Variants in TASP1 observed in about 807,000 individuals in gnomAD.
The protein encoded by TASP1 is taspase 1.
Under a neutral mutation model 56.6 loss-of-function variants are expected in TASP1, and 16 were observed. The ratio of observed to expected loss-of-function variants is 0.28; its 90% CI spans 0.19 to 0.43. The LOEUF is 0.43. Among genes scored for constraint, TASP1 ranks in the 20% least tolerant of loss-of-function variants. The pLI is 1.00. For synonymous variants in TASP1, 179 were observed against 184.2 expected (o/e 0.97, Z 0.23); for missense variants, 393 against 511.6 (o/e 0.77, Z 2.24).
At chr20:13,145,828 TAA>T in the TASP1 span, among the ~76,000 whole-genome samples, 1 of 152,100 alleles carries the variant, frequency 6.6e-6, no homozygotes, top group African/African-American at 2.4e-5. Context: ...TGCTCAGAAA[TAA>T]GACTGCATAT....
chr20:13,249,833 T>TTG, the TASP1 span, among the ~76,000 whole-genome samples: 1 of 147,528 alleles, frequency 6.8e-6, no homozygotes, highest in Non-Finnish European at 1.5e-5. Context: ...TTGTTTTGTT[T>TTG]TGTTTCCTGG....
At chr20:13,221,767 T>G in the TASP1 span, 4 of 1,434,794 alleles carry the variant, frequency 2.8e-6, no homozygotes, top group East Asian at 3.1e-5. Flanking sequence ...AAGCCGCGCG[T>G]CTCAAAAGGA....
At chr20:13,192,859 A>T in the TASP1 span, among the ~76,000 whole-genome samples, 1 of 152,056 alleles carries the variant, frequency 6.6e-6, no homozygotes, top group African/African-American at 2.4e-5. Context: ...GGGCCTAAAT[A>T]ATAACTTTTC....
chr20:13,546,135 T>A (rs2045801584), intron 8 of TASP1, among the ~76,000 whole-genome samples: 1 of 151,942 alleles, frequency 6.6e-6, no homozygotes, highest in African/African-American at 2.4e-5. Context: ...TAAAAGCCTG[T>A]ACATAAATAG....
intron 4 of TASP1, among the ~76,000 whole-genome samples, chr20:13,617,613 TA>T (rs2048567537): frequency 6.6e-6 from 1 of 152,170 alleles, no homozygotes; most frequent in Admixed American, 6.5e-5. Context: ...TATGAAAATA[TA>T]ATTTCTACAA....
At chr20:13,357,604 T>C in the TASP1 span, among the ~76,000 whole-genome samples, 1 of 152,198 alleles carries the variant, frequency 6.6e-6, no homozygotes, top group African/African-American at 2.4e-5. Flanking sequence ...TATAGTCTTA[T>C]ATACACGTAA....
At chr20:13,200,593 T>G in the TASP1 span, among the ~76,000 whole-genome samples, 3 of 152,200 alleles carry the variant, frequency 2.0e-5, no homozygotes, top group African/African-American at 7.2e-5. Context: ...TAAAATATGG[T>G]TTATTTTCTC....
chr20:13,207,455 C>T, the TASP1 span, among the ~76,000 whole-genome samples: 1 of 152,178 alleles, frequency 6.6e-6, no homozygotes, highest in African/African-American at 2.4e-5. Context: ...CAGACACAGA[C>T]ATAGATGTGA....
At chr20:13,288,456 G>C in the TASP1 span, 4 of 1,428,142 alleles carry the variant, frequency 2.8e-6, no homozygotes, top group South Asian at 5.0e-5. Context: ...AAGGATAGAA[G>C]TGAATAATTG....
chr20:13,271,731 C>T, the TASP1 span, among the ~76,000 whole-genome samples: 1 of 152,156 alleles, frequency 6.6e-6, no homozygotes, highest in Non-Finnish European at 1.5e-5. Context: ...AGAGGCTCAT[C>T]CCCCGGGCAA....
the TASP1 span, among the ~76,000 whole-genome samples, chr20:13,183,124 A>G: frequency 6.6e-6 from 1 of 152,256 alleles, no homozygotes; most frequent in Admixed American, 6.5e-5. Flanking sequence ...TGTTTATACA[A>G]TAGGGTTTGC....
At chr20:13,197,261 A>C in the TASP1 span, among the ~76,000 whole-genome samples, 1 of 152,192 alleles carries the variant, frequency 6.6e-6, no homozygotes, top group Non-Finnish European at 1.5e-5. Flanking sequence ...TGACCAACCC[A>C]CCTAACACAG....
intron 11 of TASP1, among the ~76,000 whole-genome samples, chr20:13,449,053 C>T (rs543902710): frequency 4.6e-5 from 7 of 151,868 alleles, no homozygotes; most frequent in African/African-American, 1.7e-4. Context: ...ACTTTTTTTT[C>T]TGGGTGAATA....
chr20:13,468,319 G>A (rs1176334543), intron 11 of TASP1, among the ~76,000 whole-genome samples: 1 of 152,092 alleles, frequency 6.6e-6, no homozygotes, highest in Non-Finnish European at 1.5e-5. Flanking sequence ...TATTTGAGAA[G>A]TATGCCACAT....
intron 13 of TASP1, among the ~76,000 whole-genome samples, chr20:13,393,876 CA>C (rs1005864282): frequency 1.8e-3 from 250 of 139,290 alleles, no homozygotes; most frequent in Non-Finnish European, 1.9e-3. Flanking sequence ...TGCGCTCAGC[CA>C]AAAAAAAAAA....
At chr20:13,442,004 C>T (rs573040176) in intron 11 of TASP1, among the ~76,000 whole-genome samples, 10 of 152,214 alleles carry the variant, frequency 6.6e-5, no homozygotes, top group South Asian at 2.1e-4. Flanking sequence ...CTTAGTCTGG[C>T]GTAGCCTTTC....
the TASP1 span, among the ~76,000 whole-genome samples, chr20:13,274,671 C>CT: frequency 0.016 from 2,041 of 126,258 alleles, 50 homozygotes; most frequent in African/African-American, 0.052. Flanking sequence ...CCACTCCCCG[C>CT]CCCCCCCGCG....
At chr20:13,584,993 T>G (rs1233562767) in intron 5 of TASP1, among the ~76,000 whole-genome samples, 1 of 152,134 alleles carries the variant, frequency 6.6e-6, no homozygotes, top group Non-Finnish European at 1.5e-5. Flanking sequence ...TATACAAACC[T>G]TTTCAAAGAA....
intron 10 of TASP1, among the ~76,000 whole-genome samples, chr20:13,488,200 C>T (rs2043396713): frequency 6.6e-6 from 1 of 151,872 alleles, no homozygotes; most frequent in African/African-American, 2.4e-5. Context: ...TGAAGATCCA[C>T]AGAGTTCCAA....
Sources: allele counts gnomAD v4.1 joint callset (sites outside exome capture counted in the v4.1 genomes callset), GRCh38; gene constraint gnomAD v4.1.1; transcripts MANE v1.5; gene names NCBI Gene and HGNC (gene_info 2026-07-23, HGNC 2026-07-21).